Variants in SLC25A31 observed in about 807,000 individuals in gnomAD.
The protein encoded by SLC25A31 is solute carrier family 25 member 31.
In SLC25A31, 40 loss-of-function variants were observed where a neutral mutation model predicts 36.2. The ratio of observed to expected loss-of-function variants is 1.10; its 90% CI spans 0.86 to 1.44. The LOEUF (loss-of-function observed/expected upper bound fraction) is 1.44, where lower values mean the gene tolerates loss of function less well. Among genes scored for constraint, SLC25A31 ranks in the 40% most tolerant of loss-of-function variants. The pLI, the probability that SLC25A31 is intolerant of heterozygous loss-of-function variation, is 0.00. For synonymous variants in SLC25A31, 143 were observed against 149.7 expected, an observed-to-expected ratio of 0.96 and a Z score of 0.32; for missense variants, 350 against 397.1, an observed-to-expected ratio of 0.88 and a Z score of 1.01.
At chr4:127,734,854 C>T (rs1731594384) in intron 1 of SLC25A31, among the ~76,000 whole-genome samples, 2 of 151,912 alleles carry the variant, frequency 1.3e-5, no homozygotes, top group African/African-American at 2.4e-5. Context: ...GCATTGTCCC[C>T]TATGCTTGGG....
intron 3 of SLC25A31, 133 bp downstream of exon 3, chr4:127,764,493 G>T: frequency 1.5e-6 from 1 of 659,628 alleles, no homozygotes; most frequent in Non-Finnish European, 2.5e-6. Flanking sequence ...AAATGGTGGA[G>T]TCATAGGGCC....
At chr4:127,766,165 T>TTTTTTG (rs1203620094) in intron 3 of SLC25A31, among the ~76,000 whole-genome samples, 1 of 151,064 alleles carries the variant, frequency 6.6e-6, no homozygotes, top group Non-Finnish European at 1.5e-5. Context: ...TTTTTTTTTG[T>TTTTTTG]TTTTTGTTTT....
Position 127,730,474 on chromosome 4 carries a change from T to A in SLC25A31, c.-72T>A. The A allele has an allele frequency of 6.7e-7, 1 of 1,493,356 alleles. No individual in the cohort carries two copies. 92.5% of individuals were successfully genotyped at this position (1,493,356 alleles called of 1,614,324 possible). ...CGATGCTGCAGCGGTTTTCCGGTTT[T>A]CCGCTTCCCTTCATCGTAGCTCCCG... On this transcript the variant is annotated 5_prime_UTR_variant, in exon 1 of 6. Coordinates refer to ENST00000281154, the MANE Select transcript of SLC25A31 (RefSeq NM_031291.4).
At chr4:127,766,957 ATTTGT>A in intron 3 of SLC25A31, 104 bp from the exon 4 acceptor site, 3 of 955,564 alleles carry the variant, frequency 3.1e-6, no homozygotes, top group Non-Finnish European at 4.3e-6. Context: ...TCTTTGTTAG[ATTTGT>A]AAGTGGGAAT....
chr4:127,769,878 T>C (rs1234524650), intron 5 of SLC25A31, among the ~76,000 whole-genome samples: 1 of 152,148 alleles, frequency 6.6e-6, no homozygotes, highest in Non-Finnish European at 1.5e-5. Context: ...TGAGAAGTAG[T>C]TCAGGATAGC....
chr4:127,761,956 C>CA (rs1460280999), intron 2 of SLC25A31, among the ~76,000 whole-genome samples: 1 of 152,194 alleles, frequency 6.6e-6, no homozygotes, highest in Non-Finnish European at 1.5e-5. Flanking sequence ...ATGTCAGATG[C>CA]AATCTCCTGA....
chr4:127,762,258 G>A (rs1446932113), intron 2 of SLC25A31, among the ~76,000 whole-genome samples: 2 of 152,140 alleles, frequency 1.3e-5, no homozygotes, highest in Non-Finnish European at 2.9e-5. Context: ...AAAAAGGAAT[G>A]AAGTATTAAT....
At chr4:127,736,436 TC>T (rs1731634771) in intron 1 of SLC25A31, among the ~76,000 whole-genome samples, 1 of 152,210 alleles carries the variant, frequency 6.6e-6, no homozygotes, top group African/African-American at 2.4e-5. Flanking sequence ...TAAGAAACCA[TC>T]CATTTATTCT....
At chr4:127,765,582 C>T (rs1732225452) in intron 3 of SLC25A31, among the ~76,000 whole-genome samples, 1 of 151,954 alleles carries the variant, frequency 6.6e-6, no homozygotes, top group African/African-American at 2.4e-5. Context: ...TGTGTATATG[C>T]GTATATATAT....
intron 2 of SLC25A31, among the ~76,000 whole-genome samples, chr4:127,762,836 A>AT (rs1179407230): frequency 5.3e-5 from 8 of 152,022 alleles, no homozygotes; most frequent in African/African-American, 1.9e-4. Flanking sequence ...AGGCAGGAGA[A>AT]TGGCGTGAAC....
intron 5 of SLC25A31, among the ~76,000 whole-genome samples, chr4:127,772,062 T>A (rs2148767019): frequency 6.6e-6 from 1 of 152,308 alleles, no homozygotes; most frequent in South Asian, 2.1e-4. Context: ...TAGTATGACT[T>A]CAGTAGCAAG....
intron 1 of SLC25A31, among the ~76,000 whole-genome samples, chr4:127,740,802 G>A (rs1333324259): frequency 6.6e-6 from 1 of 151,998 alleles, no homozygotes; most frequent in African/African-American, 2.4e-5. Flanking sequence ...AATGCCTGGA[G>A]ATCTGCCTGT....
Position 127,767,243 on chromosome 4 carries a change from G to A in SLC25A31, c.633+23G>A, listed in dbSNP as rs113349011. On this transcript the variant is annotated intron_variant, in intron 4 of 5. Coordinates refer to ENST00000281154, the MANE Select transcript of SLC25A31 (RefSeq NM_031291.4). Reference sequence around the variant, plus strand: ...AAGGTAATCTGGGGGCTTTAACTTGGACATATTAAATATATGGTTTCCATT... The same window carrying A: ...AAGGTAATCTGGGGGCTTTAACTTGAACATATTAAATATATGGTTTCCATT... 2.2e-4 allele frequency: 320 copies of A among 1,473,154 alleles called. 4 individuals carry two copies. In the African/African-American group the frequency reaches 3.7e-3, roughly 17 times the overall value. 91.3% of individuals were successfully genotyped at this position (1,473,154 alleles called of 1,614,324 possible).
chr4:127,749,389 A>G (rs35285114), intron 2 of SLC25A31, among the ~76,000 whole-genome samples: 1 of 152,172 alleles, frequency 6.6e-6, no homozygotes, highest in African/African-American at 2.4e-5. Flanking sequence ...TTGGAAATGT[A>G]TGGACGTCCA....
intron 1 of SLC25A31, among the ~76,000 whole-genome samples, chr4:127,731,075 T>G (rs552408753): frequency 2.6e-5 from 4 of 152,204 alleles, no homozygotes; most frequent in African/African-American, 9.6e-5. Flanking sequence ...AGAAGGAGAG[T>G]GGTTGACCTC....
chr4:127,768,838 T>G lies in SLC25A31; in HGVS notation c.720T>G (p.Ser240=). The change falls in exon 5 of 6, where the codon TCT becomes TCG. Residue 240 remains serine (S), a synonymous_variant. Transcript: ENST00000281154. ...QVVTTCSGIL[S]YPFDTVRRRM... The stretch of plus-strand genomic sequence containing the variant: ...TGACTACATGCTCTGGAATACTTTC[T>G]TATCCCTTTGACACAGTTAGAAGAC... 1 of 1,607,872 alleles carries G rather than the reference T, an allele frequency of 6.2e-7. No individual in the cohort carries two copies. The highest frequency in any genetic ancestry group is 1.1e-5 in the South Asian group (1 of 89,510).
rs1391648231 is a variant in SLC25A31, at chr4:127,768,315, C to T, written c.634-437C>T. ...AATCACAAAAAAAGTTATGTGTGTA[C>T]TCTGTCTCTAGTTTGTTATCACCTG... On this transcript the variant is annotated intron_variant, in intron 4 of 5. Coordinates refer to ENST00000281154, the MANE Select transcript of SLC25A31 (RefSeq NM_031291.4). 2.0e-5 allele frequency among the ~76,000 whole-genome samples: 3 copies of T among 151,878 alleles called. 1 individual carries two copies. Among genetic ancestry groups the T allele is most frequent in the African/African-American group, 7.3e-5 (3 of 41,368 alleles).
chr4:127,766,488 C>CTTTGT (rs538687692), intron 3 of SLC25A31, among the ~76,000 whole-genome samples: 39 of 151,820 alleles, frequency 2.6e-4, no homozygotes, highest in Admixed American at 8.5e-4. Context: ...CTAAGTGTTT[C>CTTTGT]TTTGTTTTGT....
intron 2 of SLC25A31, among the ~76,000 whole-genome samples, chr4:127,745,877 T>C (rs1180139856): frequency 1.3e-5 from 2 of 151,906 alleles, no homozygotes; most frequent in Non-Finnish European, 2.9e-5. Flanking sequence ...GTCACAGGGG[T>C]TTTTTGTACA....
Sources: allele counts gnomAD v4.1 joint callset (sites outside exome capture counted in the v4.1 genomes callset), GRCh38; gene constraint gnomAD v4.1.1; transcripts MANE v1.5; gene names NCBI Gene and HGNC (gene_info 2026-07-23, HGNC 2026-07-21).